The following SLC10A7 variants were observed in gnomAD, a reference collection of about 807,000 sequenced individuals.
SLC10A7 encodes the protein sodium/bile acid cotransporter 7.
SLC10A7 carries 29 observed loss-of-function variants against 43.2 expected under a neutral mutation model. The ratio of observed to expected loss-of-function variants is 0.67; its 90% CI spans 0.50 to 0.92. SLC10A7 has a LOEUF of 0.92. SLC10A7 is among the 40% of genes least tolerant of loss of function. SLC10A7 has a pLI of 0.00. For missense variants in SLC10A7, 295 were observed against 403.2 expected, an observed-to-expected ratio of 0.73 and a Z score of 2.30; for synonymous variants, 152 against 144.8, an observed-to-expected ratio of 1.05 and a Z score of -0.35.
chr4:146,386,069 C>T (rs1159831763), intron 5 of SLC10A7, among the ~76,000 whole-genome samples: 1 of 151,964 alleles, frequency 6.6e-6, no homozygotes, highest in African/African-American at 2.4e-5. Flanking sequence ...TTTGGAAGAC[C>T]AATTTATTTT....
At chr4:146,442,003 A>G in intron 5 of SLC10A7, 2 of 979,258 alleles carry the variant, frequency 2.0e-6, no homozygotes, top group Non-Finnish European at 2.4e-6. Flanking sequence ...TCACTGCACT[A>G]CATATCTGCT....
chr4:146,332,552 T>C (rs150015521), intron 5 of SLC10A7, among the ~76,000 whole-genome samples: 1 of 152,300 alleles, frequency 6.6e-6, no homozygotes, highest in African/African-American at 2.4e-5. Flanking sequence ...GTCTTGCTCT[T>C]GCTTTCACCA....
At chr4:146,422,918 T>C (rs1370479861) in intron 5 of SLC10A7, among the ~76,000 whole-genome samples, 1 of 152,116 alleles carries the variant, frequency 6.6e-6, no homozygotes. Context: ...TATATACTAA[T>C]TAATATAGTG....
At position 146,436,645 on chromosome 4, in the gene SLC10A7, C is replaced by T. The variant is rs61070439; in HGVS notation, c.435+6138G>A. Reference sequence around the variant, plus strand: ...AACAAGATGACTCAAAGGACATGTGCACAGAGAATTAGTAATGCAACTTAC... The same window carrying T: ...AACAAGATGACTCAAAGGACATGTGTACAGAGAATTAGTAATGCAACTTAC... On this transcript the variant is annotated intron_variant, in intron 5 of 11. Transcript: ENST00000335472. 6.7e-3 allele frequency among the ~76,000 whole-genome samples: 1,022 copies of T among 152,082 alleles called. 10 individuals are homozygous for T. Among genetic ancestry groups the T allele is most frequent in the African/African-American group, 0.024 (975 of 41,488 alleles).
chr4:146,263,889 T>C (rs550380498), intron 10 of SLC10A7, among the ~76,000 whole-genome samples: 13 of 152,262 alleles, frequency 8.5e-5, no homozygotes, highest in Non-Finnish European at 1.8e-4. Flanking sequence ...TCCCCATTGC[T>C]CTACAAGTAC....
chr4:146,271,991 C>T (rs555628613), intron 10 of SLC10A7, among the ~76,000 whole-genome samples: 26 of 152,276 alleles, frequency 1.7e-4, no homozygotes, highest in Middle Eastern at 3.4e-3. Context: ...CCATTGCTTA[C>T]CACCATCTGA....
At chr4:146,282,892 C>G (rs1483500114) in intron 10 of SLC10A7, among the ~76,000 whole-genome samples, 1 of 152,056 alleles carries the variant, frequency 6.6e-6, no homozygotes, top group Non-Finnish European at 1.5e-5. Flanking sequence ...AAGTAGTTTC[C>G]ACAGCATCTC....
intron 5 of SLC10A7, among the ~76,000 whole-genome samples, chr4:146,340,736 G>A (rs1044436354): frequency 1.4e-4 from 22 of 151,876 alleles, no homozygotes; most frequent in African/African-American, 5.3e-4. Flanking sequence ...TGTTACTAAG[G>A]AATTTTTAAT....
In SLC10A7 at chr4:146,518,478, G is replaced by A. The variant is rs143946842; in HGVS notation, c.101-1358C>T. ...CCAAGGCTGAGAAATCTTGGTACAT[G>A]GCAACATTTAAAAACCTAAGATCAT... is the stretch of plus-strand genomic sequence containing the variant. On this transcript the variant is annotated intron_variant, in intron 1 of 11. Coordinates refer to ENST00000335472, the MANE Select transcript of SLC10A7 (RefSeq NM_001029998.6). Among the ~76,000 whole-genome samples the A allele has an allele frequency of 1.4e-4, 22 of 152,100 alleles. No individual in the cohort carries two copies. In the East Asian group the frequency reaches 3.7e-3, roughly 25 times the overall value.
chr4:146,337,174 T>G (rs1157744157), intron 5 of SLC10A7, among the ~76,000 whole-genome samples: 2 of 152,076 alleles, frequency 1.3e-5, no homozygotes, highest in Non-Finnish European at 2.9e-5. Context: ...AAGAAGTTTC[T>G]TAAAAATGCT....
chr4:146,306,132 G>C, intron 6 of SLC10A7, 123 bp from the exon 7 acceptor site: 1 of 586,476 alleles, frequency 1.7e-6, no homozygotes, highest in Non-Finnish European at 2.7e-6. Flanking sequence ...TATCTACAAA[G>C]AATAAGTGAA....
At chr4:146,394,791 G>A (rs1254061622) in intron 5 of SLC10A7, among the ~76,000 whole-genome samples, 7 of 152,254 alleles carry the variant, frequency 4.6e-5, no homozygotes, top group Non-Finnish European at 1.0e-4. Flanking sequence ...AAAGATTCAA[G>A]TATATCTTTC....
Position 146,283,202 on chromosome 4 carries a change from G to C in SLC10A7, c.837C>G (p.Ser279=), listed in dbSNP as rs756067410. The C allele has an allele frequency of 6.2e-7, 1 of 1,612,054 alleles. No individual in the cohort carries two copies. Among genetic ancestry groups the C allele is most frequent in the Non-Finnish European group, 8.5e-7 (1 of 1,178,442 alleles). ...CTGTGAATCACTTACCCAATGTAAGGGATTTGTGTGTAGAACAGAAAATGA... is the reference window on the plus strand; with the variant it reads ...CTGTGAATCACTTACCCAATGTAAGCGATTTGTGTGTAGAACAGAAAATGA... The part of the protein sequence containing the change: ...VAIIFCSTHK[S]LTLGIPMLKI... Residue 279 remains serine, a synonymous_variant, in exon 10 of 12, where the codon TCC becomes TCG. Coordinates refer to ENST00000335472, the MANE Select transcript of SLC10A7 (RefSeq NM_001029998.6).
chr4:146,503,832 G>A lies in SLC10A7; in HGVS notation c.396+17C>T, dbSNP rs1736644326. On this transcript the variant is annotated intron_variant, in intron 4 of 11. Coordinates refer to ENST00000335472, the MANE Select transcript of SLC10A7 (RefSeq NM_001029998.6). ...CAGCATGCACTTATGTTTAAATAAG[G>A]TAGCCCCATGACTCACCTCATTTCC... 1.2e-6 allele frequency: 2 copies of A among 1,611,064 alleles called. No individual in the cohort carries two copies. Among genetic ancestry groups the A allele is most frequent in the African/African-American group, 2.7e-5 (2 of 74,818 alleles).
rs543108508 is a variant in SLC10A7 at position 146,363,578 on chromosome 4, T to C, written c.436-37582A>G. On this transcript the variant is annotated intron_variant, in intron 5 of 11. Transcript: ENST00000335472. Reference sequence around the variant, plus strand: ...CCTTCTTCTCCTCAGCAATGGAACATTTTGAAGAATAGACCATGTGGTAGG... The same window carrying C: ...CCTTCTTCTCCTCAGCAATGGAACACTTTGAAGAATAGACCATGTGGTAGG... Among the ~76,000 whole-genome samples, 54 of 152,250 alleles carry C rather than the reference T, an allele frequency of 3.5e-4. No homozygotes were observed. In the South Asian group the frequency reaches 9.5e-3, roughly 27 times the overall value.
chr4:146,509,218 TA>T (rs1467020138), intron 3 of SLC10A7, among the ~76,000 whole-genome samples: 2 of 152,186 alleles, frequency 1.3e-5, no homozygotes, highest in African/African-American at 2.4e-5. Flanking sequence ...CATGCAAAAC[TA>T]ACAGGCATTT....
At chr4:146,375,595 C>G (rs1298890135) in intron 5 of SLC10A7, among the ~76,000 whole-genome samples, 1 of 152,134 alleles carries the variant, frequency 6.6e-6, no homozygotes, top group Non-Finnish European at 1.5e-5. Flanking sequence ...TTCCTTACAA[C>G]TTATCTCCTT....
rs1402847808 is a variant in SLC10A7, at chr4:146,253,984, T to C, written c.*2507A>G. 6.6e-6 allele frequency: 1 copy of C among 152,232 alleles called. No individual in the cohort carries two copies. The highest frequency in any genetic ancestry group is 1.5e-5 in the Non-Finnish European group (1 of 68,032). 9.4% of individuals were successfully genotyped at this position (152,232 alleles called of 1,614,324 possible). A position where few individuals can be genotyped will look rare whatever the true frequency, so the allele number is the denominator to read the frequency against. On this transcript the variant is annotated 3_prime_UTR_variant, in exon 12 of 12. Coordinates refer to ENST00000335472, the MANE Select transcript of SLC10A7 (RefSeq NM_001029998.6). The stretch of plus-strand genomic sequence containing the variant: ...TAAAAATAAGCCACAGTTTCTCTTG[T>C]GATTTCTGAAACATTCTTTGTTTAA...
At chr4:146,508,907 G>C (rs1031998206) in intron 3 of SLC10A7, among the ~76,000 whole-genome samples, 1 of 152,040 alleles carries the variant, frequency 6.6e-6, no homozygotes, top group Non-Finnish European at 1.5e-5. Context: ...CCTCATTCCT[G>C]CCTACTTTTA....
Sources: gnomAD v4.1 joint callset for allele counts (sites outside exome capture counted in the v4.1 genomes callset) on GRCh38, gnomAD v4.1.1 for gene constraint, MANE v1.5 for transcripts, NCBI Gene and HGNC (gene_info 2026-07-23, HGNC 2026-07-21) for gene names.